Variants in GRM7 observed in about 807,000 individuals in gnomAD.
GRM7 encodes the protein metabotropic glutamate receptor 7.
In GRM7, 35 loss-of-function variants were observed where a neutral mutation model predicts 84.5. That is an observed-to-expected ratio of 0.41 (90% CI 0.32 to 0.55). The LOEUF (loss-of-function observed/expected upper bound fraction) is 0.55. Among genes scored for constraint, GRM7 ranks in the 20% least tolerant of loss-of-function variants. The probability of loss-of-function intolerance (pLI) is 0.19; values close to 1 mark genes in which losing one functional copy is unlikely to be tolerated. For synonymous variants in GRM7, 487 were observed against 455.1 expected (o/e 1.07, Z -0.89); for missense variants, 1,003 against 1,194.6 (o/e 0.84, Z 2.36).
chr3:7,078,977 G>T (rs529394360), intron 1 of GRM7, among the ~76,000 whole-genome samples: 1 of 151,558 alleles, frequency 6.6e-6, no homozygotes, highest in Non-Finnish European at 1.5e-5. Flanking sequence ...AGAAAATTTT[G>T]TTTTAAAGAC....
chr3:6,941,839 T>C (rs770449414), intron 1 of GRM7, among the ~76,000 whole-genome samples: 3 of 152,172 alleles, frequency 2.0e-5, no homozygotes, highest in Non-Finnish European at 4.4e-5. Context: ...GGTGAACAAG[T>C]CATTACCTTT....
intron 2 of GRM7, among the ~76,000 whole-genome samples, chr3:7,171,995 T>A (rs1559483373): frequency 6.6e-6 from 1 of 152,196 alleles, no homozygotes; most frequent in Non-Finnish European, 1.5e-5. Context: ...TAGAACATAA[T>A]CTCGCTAGAA....
At chr3:7,449,930 G>T (rs940959382) in intron 5 of GRM7, among the ~76,000 whole-genome samples, 1 of 151,896 alleles carries the variant, frequency 6.6e-6, no homozygotes, top group East Asian at 1.9e-4. Flanking sequence ...AAATCCAGAA[G>T]TATTAACAGA....
chr3:7,571,884 G>A (rs2125046406), intron 7 of GRM7, among the ~76,000 whole-genome samples: 1 of 151,522 alleles, frequency 6.6e-6, no homozygotes, highest in Non-Finnish European at 1.5e-5. Flanking sequence ...GGCAGACTGT[G>A]AAATGCAAAG....
intron 9 of GRM7, among the ~76,000 whole-genome samples, chr3:7,704,134 T>C (rs1464029775): frequency 6.6e-6 from 1 of 152,202 alleles, no homozygotes; most frequent in Non-Finnish European, 1.5e-5. Context: ...CTGGAGAGGA[T>C]TTAGGGAAAT....
At chr3:6,905,947 G>T (rs1277912644) in intron 1 of GRM7, among the ~76,000 whole-genome samples, 1 of 152,142 alleles carries the variant, frequency 6.6e-6, no homozygotes, top group African/African-American at 2.4e-5. Flanking sequence ...CATTCTGAGG[G>T]ATAAACCTAA....
intron 8 of GRM7, among the ~76,000 whole-genome samples, chr3:7,659,800 T>G (rs952917719): frequency 6.6e-6 from 1 of 152,004 alleles, no homozygotes; most frequent in Non-Finnish European, 1.5e-5. Context: ...GGGTGAGGAT[T>G]TTGTTTTCCT....
intron 1 of GRM7, among the ~76,000 whole-genome samples, chr3:6,901,917 C>G (rs1696401058): frequency 1.3e-5 from 2 of 151,996 alleles, no homozygotes; most frequent in Non-Finnish European, 2.9e-5. Flanking sequence ...CTCTCCTTGA[C>G]TATACATTTT....
chr3:7,459,710 C>T (rs1698161788), intron 6 of GRM7, among the ~76,000 whole-genome samples: 2 of 152,118 alleles, frequency 1.3e-5, no homozygotes, highest in Non-Finnish European at 1.5e-5. Flanking sequence ...CCTCCCACAA[C>T]ACATAGGAAT....
At chr3:7,707,560 TCATTGGC>T (rs2125163297) in intron 9 of GRM7, among the ~76,000 whole-genome samples, 1 of 152,302 alleles carries the variant, frequency 6.6e-6, no homozygotes, top group African/African-American at 2.4e-5. Flanking sequence ...GTGGGCACAG[TCATTGGC>T]CTGGCATCTA....
At chr3:7,433,088 A>G (rs1459840600) in intron 5 of GRM7, among the ~76,000 whole-genome samples, 1 of 152,234 alleles carries the variant, frequency 6.6e-6, no homozygotes, top group African/African-American at 2.4e-5. Context: ...CCTTCTATGG[A>G]CACAATAATG....
At chr3:7,030,141 C>T (rs1178610028) in intron 1 of GRM7, among the ~76,000 whole-genome samples, 3 of 152,040 alleles carry the variant, frequency 2.0e-5, no homozygotes, top group African/African-American at 4.8e-5. Flanking sequence ...CAAACATCAA[C>T]TTTGAGGAAT....
At chr3:7,136,416 G>C (rs1246513903) in intron 1 of GRM7, among the ~76,000 whole-genome samples, 1 of 147,194 alleles carries the variant, frequency 6.8e-6, no homozygotes, top group Non-Finnish European at 1.5e-5. Context: ...AGGTTGTCAG[G>C]AACTAAGGCC....
intron 9 of GRM7, among the ~76,000 whole-genome samples, chr3:7,687,415 G>A (rs1373968695): frequency 6.6e-6 from 1 of 152,146 alleles, no homozygotes; most frequent in Non-Finnish European, 1.5e-5. Context: ...AACAACACTT[G>A]CTATGGCAAG....
Position 7,292,966 on chromosome 3 carries a change from G to A in GRM7, c.737-5718G>A, listed in dbSNP as rs111730793. On this transcript the variant is annotated intron_variant, in intron 2 of 9. Transcript: ENST00000357716. ...GGAGAATTGCTTGAACCCAGGAGGCGGAGGTTGCAGTGAGATGAGATTGCA... is the reference window on the plus strand; with the variant it reads ...GGAGAATTGCTTGAACCCAGGAGGCAGAGGTTGCAGTGAGATGAGATTGCA... Among the ~76,000 whole-genome samples, 920 of 150,444 alleles carry A rather than the reference G, an allele frequency of 6.1e-3. 15 individuals carry two copies. Among genetic ancestry groups the A allele is most frequent in the African/African-American group, 0.022 (883 of 40,750 alleles).
intron 2 of GRM7, among the ~76,000 whole-genome samples, chr3:7,167,724 C>T (rs1039249350): frequency 6.6e-6 from 1 of 151,960 alleles, no homozygotes; most frequent in Non-Finnish European, 1.5e-5. Flanking sequence ...AATCCCAGCT[C>T]TTTGGGAGGC....
At position 7,463,759 on chromosome 3, in the gene GRM7, G is replaced by A. The variant is rs577839804; in HGVS notation, c.1515+2037G>A. ...AATCAGCAAGGAAAATGAGAGGAAG[G>A]GTAAGAGGAGATGTTGGAGCAATAG... On this transcript the variant is annotated intron_variant, in intron 7 of 9. Coordinates refer to ENST00000357716, the MANE Select transcript of GRM7 (RefSeq NM_000844.4). 1.1e-4 allele frequency among the ~76,000 whole-genome samples: 17 copies of A among 151,736 alleles called. No homozygotes were observed. In the East Asian group the frequency reaches 3.1e-3, roughly 28 times the overall value.
At chr3:7,269,346 A>C (rs1698767546) in intron 2 of GRM7, among the ~76,000 whole-genome samples, 1 of 152,076 alleles carries the variant, frequency 6.6e-6, no homozygotes, top group Non-Finnish European at 1.5e-5. Flanking sequence ...CTGAACTATG[A>C]CCTCACTATC....
At chr3:6,952,410 AC>A (rs1692822231) in intron 1 of GRM7, among the ~76,000 whole-genome samples, 1 of 151,946 alleles carries the variant, frequency 6.6e-6, no homozygotes, top group Non-Finnish European at 1.5e-5. Flanking sequence ...TGAGGGAGAA[AC>A]CCTTTGTGGA....
Sources: gnomAD v4.1 joint callset for allele counts (sites outside exome capture counted in the v4.1 genomes callset) on GRCh38, gnomAD v4.1.1 for gene constraint, MANE v1.5 for transcripts, NCBI Gene and HGNC (gene_info 2026-07-23, HGNC 2026-07-21) for gene names.